Variants in NRXN3 observed in about 807,000 individuals in gnomAD.
NRXN3 encodes neurexin III.
NRXN3 carries 32 observed loss-of-function variants against 137.6 expected under a neutral mutation model. That is an observed-to-expected ratio of 0.23 (90% confidence interval 0.18 to 0.31). The LOEUF (loss-of-function observed/expected upper bound fraction) is 0.31, where lower values mean the gene tolerates loss of function less well. NRXN3 is among the 10% of genes least tolerant of loss of function. The pLI is 1.00. For synonymous variants in NRXN3, 798 were observed against 784.5 expected (o/e 1.02, Z -0.29); for missense variants, 1,574 against 2,062.5 (o/e 0.76, Z 4.59).
At chr14:78,406,635 T>A (rs2092502603) in intron 4 of NRXN3, among the ~76,000 whole-genome samples, 1 of 152,000 alleles carries the variant, frequency 6.6e-6, no homozygotes, top group Non-Finnish European at 1.5e-5. Flanking sequence ...CTGGTAGCAG[T>A]GGAGGGTGGG....
intron 4 of NRXN3, among the ~76,000 whole-genome samples, chr14:78,643,815 C>T (rs1477483638): frequency 6.6e-5 from 10 of 152,180 alleles, no homozygotes; most frequent in Non-Finnish European, 1.3e-4. Context: ...GGCTACTCCT[C>T]AGACCTTGCA....
intron 16 of NRXN3, among the ~76,000 whole-genome samples, chr14:79,576,465 A>G (rs181867445): frequency 1.8e-4 from 28 of 152,346 alleles, no homozygotes; most frequent in Admixed American, 2.0e-4. Context: ...GCAAAAGAAA[A>G]AAGGAAAAAC....
chr14:79,087,811 C>T (rs2048407714), intron 15 of NRXN3, among the ~76,000 whole-genome samples: 1 of 152,186 alleles, frequency 6.6e-6, no homozygotes, highest in African/African-American at 2.4e-5. Context: ...CCGCTGCCAT[C>T]TTAGCTAAAA....
intron 20 of NRXN3, among the ~76,000 whole-genome samples, chr14:79,811,581 C>CTTTTTTTTTTTT (rs370942970): frequency 8.6e-6 from 1 of 116,612 alleles, no homozygotes; most frequent in Admixed American, 1.0e-4. Context: ...TTTCTTTTTT[C>CTTTTTTTTTTTT]TTTTTTTTTT....
chr14:79,582,586 A>AT (rs201877820), intron 16 of NRXN3, among the ~76,000 whole-genome samples: 118 of 146,118 alleles, frequency 8.1e-4, no homozygotes, highest in African/African-American at 1.7e-3. Flanking sequence ...ACGCCCAGCA[A>AT]TTTTTTTTTT....
At chr14:78,526,722 A>G (rs774843786) in intron 4 of NRXN3, 1 of 516,424 alleles carries the variant, frequency 1.9e-6, no homozygotes, top group South Asian at 1.4e-5. Context: ...TCTTTGTACA[A>G]TAATCCTAAG....
At chr14:78,883,018 C>T (rs148939623) in intron 10 of NRXN3, among the ~76,000 whole-genome samples, 276 of 152,126 alleles carry the variant, frequency 1.8e-3, no homozygotes, top group African/African-American at 6.5e-3. Context: ...GAGGTTTTCC[C>T]CCTTTTGCTC....
At chr14:79,763,829 G>A (rs1462872766) in intron 19 of NRXN3, among the ~76,000 whole-genome samples, 1 of 151,524 alleles carries the variant, frequency 6.6e-6, no homozygotes, top group Non-Finnish European at 1.5e-5. Context: ...TTACACTGGT[G>A]ATTAGCTTTC....
intron 8 of NRXN3, among the ~76,000 whole-genome samples, chr14:78,724,643 A>G (rs140093689): frequency 3.7e-4 from 56 of 152,192 alleles, no homozygotes; most frequent in Admixed American, 8.5e-4. Context: ...ATTTGTGAAG[A>G]TATACTTTTA....
chr14:79,413,220 C>A (rs893831333), intron 15 of NRXN3, among the ~76,000 whole-genome samples: 1 of 152,122 alleles, frequency 6.6e-6, no homozygotes, highest in African/African-American at 2.4e-5. Context: ...AATCTTTGCA[C>A]CTCCTTAGGA....
intron 6 of NRXN3, among the ~76,000 whole-genome samples, chr14:78,663,188 C>T (rs2097854761): frequency 6.6e-6 from 1 of 152,170 alleles, no homozygotes; most frequent in African/African-American, 2.4e-5. Context: ...TCTACCAATT[C>T]AGTCATAAGA....
chr14:79,441,061 CA>C (rs2095933544), intron 15 of NRXN3, among the ~76,000 whole-genome samples: 2 of 152,156 alleles, frequency 1.3e-5, no homozygotes, highest in South Asian at 2.1e-4. Flanking sequence ...CATTCTGTTC[CA>C]AAAATAATTA....
chr14:78,742,376 C>A (rs1194519018), intron 8 of NRXN3, among the ~76,000 whole-genome samples: 1 of 152,026 alleles, frequency 6.6e-6, no homozygotes, highest in Non-Finnish European at 1.5e-5. Context: ...GCATTAAGCC[C>A]TAAATAATAA....
Position 78,646,044 on chromosome 14 carries a change from C to T in NRXN3, c.1059+623C>T, listed in dbSNP as rs184535155. Among the ~76,000 whole-genome samples the T allele has an allele frequency of 7.2e-3, 1,091 of 152,168 alleles. 6 individuals carry two copies. Among genetic ancestry groups the T allele is most frequent in the Non-Finnish European group, 0.01 (698 of 68,008 alleles). ...GTCCTACTCTATTGCCCCTGTCTCT[C>T]CCTCCGAGACTCTTCAGTTGACTGG... On this transcript the variant is annotated intron_variant, in intron 5 of 20. Transcript: ENST00000335750.
chr14:79,697,673 T>C lies in NRXN3; in HGVS notation c.3750T>C (p.Ile1250=), dbSNP rs2098740497. ...TCAACACTCAGGCGCAAATAGCCAT[T>C]GGTGGAAAGGACAAAGGACGCCTCT... ...TIFNTQAQIA[I]GGKDKGRLFQ... The change falls in exon 19 of 21, where the codon ATT becomes ATC. Residue 1250 remains isoleucine, a synonymous_variant. Transcript: ENST00000335750. 6.2e-7 allele frequency: 1 copy of C among 1,612,776 alleles called. No individual in the cohort carries two copies. Among genetic ancestry groups the C allele is most frequent in the Admixed American group, 1.7e-5 (1 of 59,890 alleles).
intron 15 of NRXN3, among the ~76,000 whole-genome samples, chr14:79,446,553 C>T (rs1429961950): frequency 2.0e-5 from 3 of 152,026 alleles, no homozygotes; most frequent in Non-Finnish European, 4.4e-5. Context: ...ATTTAGACAT[C>T]ATTTAGCCAG....
intron 15 of NRXN3, among the ~76,000 whole-genome samples, chr14:79,277,733 G>A (rs1269231377): frequency 6.6e-6 from 1 of 152,206 alleles, no homozygotes; most frequent in Admixed American, 6.5e-5. Flanking sequence ...CATGCTGCTG[G>A]TTTAAGACAC....
intron 10 of NRXN3, among the ~76,000 whole-genome samples, chr14:78,885,758 A>G (rs940571355): frequency 7.2e-5 from 11 of 152,100 alleles, no homozygotes; most frequent in South Asian, 4.1e-4. Flanking sequence ...TTAAAAGTGA[A>G]TTTATAATAA....
intron 15 of NRXN3, among the ~76,000 whole-genome samples, chr14:79,101,524 T>C (rs1470285317): frequency 2.0e-5 from 3 of 152,194 alleles, no homozygotes; most frequent in Non-Finnish European, 4.4e-5. Context: ...CTTTGGGCCA[T>C]GCCCTGTGTT....
Sources: allele counts gnomAD v4.1 joint callset (sites outside exome capture counted in the v4.1 genomes callset), GRCh38; gene constraint gnomAD v4.1.1; transcripts MANE v1.5; gene names NCBI Gene and HGNC (gene_info 2026-07-23, HGNC 2026-07-21).